The following MAP2K6 variants were observed in gnomAD, a reference collection of about 807,000 sequenced individuals.
MAP2K6 encodes the protein mitogen-activated protein kinase kinase 6.
In MAP2K6, 16 loss-of-function variants were observed where a neutral mutation model predicts 53.7. The observed-to-expected ratio is 0.30, with a 90% confidence interval of 0.20 to 0.45. MAP2K6 has a LOEUF of 0.45. Among genes scored for constraint, MAP2K6 ranks in the 20% least tolerant of loss-of-function variants. MAP2K6 has a pLI of 1.00. For synonymous variants in MAP2K6, 132 were observed against 143.1 expected, an observed-to-expected ratio of 0.92 and a Z score of 0.55; for missense variants, 204 against 411.9, an observed-to-expected ratio of 0.50 and a Z score of 4.37.
intron 11 of MAP2K6, 120 bp from the exon 12 acceptor site, chr17:69,541,556 C>A (rs921995504): frequency 1.9e-5 from 12 of 630,546 alleles, no homozygotes; most frequent in Non-Finnish European, 3.2e-5. Flanking sequence ...TAGGAAAAGC[C>A]CAGCCTAGCT....
At chr17:69,450,042 C>A (rs186547776) in intron 1 of MAP2K6, among the ~76,000 whole-genome samples, 274 of 151,670 alleles carry the variant, frequency 1.8e-3, no homozygotes, top group African/African-American at 6.3e-3. Flanking sequence ...TCAAGTGATT[C>A]TCCTGCATCA....
rs1399170647 is a variant in MAP2K6 at position 69,478,151 on chromosome 17, C to T, written c.17-27629C>T. On this transcript the variant is annotated intron_variant, in intron 1 of 11. Transcript: ENST00000590474. The stretch of plus-strand genomic sequence containing the variant: ...CAGAAGACAGCACAGCTGGGGTAGG[C>T]GCTTGAACGCCAGTTTGAATAGTTT... Among the ~76,000 whole-genome samples the T allele has an allele frequency of 1.3e-5, 2 of 152,268 alleles. 1 individual carries two copies. The highest frequency in any genetic ancestry group is 4.1e-4 in the South Asian group (2 of 4,830).
chr17:69,487,199 G>A (rs912886456), intron 1 of MAP2K6, among the ~76,000 whole-genome samples: 4 of 152,090 alleles, frequency 2.6e-5, no homozygotes, highest in African/African-American at 7.2e-5. Flanking sequence ...ATCCTTACAC[G>A]AGCTAGTGGA....
At chr17:69,496,212 A>G (rs935165939) in intron 1 of MAP2K6, among the ~76,000 whole-genome samples, 1 of 151,370 alleles carries the variant, frequency 6.6e-6, no homozygotes, top group Non-Finnish European at 1.5e-5. Flanking sequence ...ACAGGAACGT[A>G]ATTCTTTGTG....
rs550608688 is a variant in MAP2K6 at position 69,521,188 on chromosome 17, G to A, written c.535+88G>A. The A allele has an allele frequency of 6.0e-5, 70 of 1,167,738 alleles. No individual in the cohort carries two copies. In the African/African-American group the frequency reaches 9.5e-4, roughly 16 times the overall value. 72.3% of individuals were successfully genotyped at this position (1,167,738 alleles called of 1,614,324 possible). On this transcript the variant is annotated intron_variant, in intron 7 of 11. Coordinates refer to ENST00000590474, the MANE Select transcript of MAP2K6 (RefSeq NM_002758.4). ...CCGTCTCTACCCCCAGTCCCCCATG[G>A]GTGGAAGTAGAATTGACTCAGGCAA...
At position 69,507,072 on chromosome 17, in the gene MAP2K6, A is replaced by G. The variant is rs148518163; in HGVS notation, c.83+1226A>G. 3.7e-3 allele frequency among the ~76,000 whole-genome samples: 568 copies of G among 151,684 alleles called. 3 individuals carry two copies. Among genetic ancestry groups the G allele is most frequent in the African/African-American group, 0.013 (544 of 41,306 alleles). ...GTTTCTCAAGAGCTTACAGTCAAAT[A>G]TGTGGCCTACTTTTACTACCTGTAT... On this transcript the variant is annotated intron_variant, in intron 2 of 11. Transcript: ENST00000590474.
At chr17:69,541,470 A>C (rs1911631028) in intron 11 of MAP2K6, among the ~76,000 whole-genome samples, 1 of 152,154 alleles carries the variant, frequency 6.6e-6, no homozygotes, top group Non-Finnish European at 1.5e-5. Flanking sequence ...AGAGATATCA[A>C]GATGGAAAGA....
At chr17:69,519,994 A>G (rs1807960506) in intron 5 of MAP2K6, 1 of 360,924 alleles carries the variant, frequency 2.8e-6, no homozygotes, top group Non-Finnish European at 5.0e-6. Context: ...CTGGGGTTGT[A>G]TTGCTTATGT....
intron 6 of MAP2K6, chr17:69,520,660 C>G (rs11657645): frequency 0.15 from 58,399 of 394,542 alleles, 5,227 homozygotes; most frequent in Middle Eastern, 0.22. Context: ...TATATTCTGA[C>G]ATTAGTTTAT....
rs1392284477 is a variant in MAP2K6, at chr17:69,520,977, C to A, written c.484-72C>A. ...GTAACCTAAAGCCAAGGATAATAAA[C>A]CTTGATATACTTAACATTCAATTTC... On this transcript the variant is annotated intron_variant, in intron 6 of 11. Coordinates refer to ENST00000590474, the MANE Select transcript of MAP2K6 (RefSeq NM_002758.4). 7.2e-6 allele frequency: 9 copies of A among 1,241,978 alleles called. No homozygotes were observed. The South Asian group carries it at 8.0e-5, about 11-fold the overall frequency. 76.9% of individuals were successfully genotyped at this position (1,241,978 alleles called of 1,614,324 possible). A position where few individuals can be genotyped will look rare whatever the true frequency, so the allele number is the denominator to read the frequency against.
At chr17:69,450,973 T>G (rs989778842) in intron 1 of MAP2K6, among the ~76,000 whole-genome samples, 4 of 152,034 alleles carry the variant, frequency 2.6e-5, no homozygotes, top group African/African-American at 9.7e-5. Context: ...TGGAAGAGAT[T>G]TTATGTGAGC....
chr17:69,528,366 T>C (rs560788183), intron 10 of MAP2K6, among the ~76,000 whole-genome samples: 10 of 152,282 alleles, frequency 6.6e-5, no homozygotes, highest in South Asian at 2.1e-4. Flanking sequence ...GGATGCCTCT[T>C]AAAAGATATA....
At chr17:69,462,108 G>C (rs1013750466) in intron 1 of MAP2K6, among the ~76,000 whole-genome samples, 15 of 152,146 alleles carry the variant, frequency 9.9e-5, no homozygotes, top group Admixed American at 1.3e-4. Flanking sequence ...TTCCTTCTCA[G>C]CGCCCCCTGC....
At chr17:69,450,273 A>T (rs978751501) in intron 1 of MAP2K6, among the ~76,000 whole-genome samples, 1 of 152,048 alleles carries the variant, frequency 6.6e-6, no homozygotes, top group African/African-American at 2.4e-5. Context: ...TATTTTAAAG[A>T]TACAGCATTT....
intron 1 of MAP2K6, among the ~76,000 whole-genome samples, chr17:69,415,852 C>A (rs1255861814): frequency 4.6e-5 from 7 of 152,130 alleles, no homozygotes; most frequent in Admixed American, 2.0e-4. Flanking sequence ...GTTGGAAGTT[C>A]ACGTTATGGT....
chr17:69,524,732 G>T (rs1053836990), intron 8 of MAP2K6, among the ~76,000 whole-genome samples, 169 bp from the exon 9 acceptor site: 2 of 152,120 alleles, frequency 1.3e-5, no homozygotes, highest in Non-Finnish European at 2.9e-5. Context: ...CCCCACGGAG[G>T]CATTGATATT....
intron 5 of MAP2K6, 123 bp from the exon 6 acceptor site, chr17:69,520,147 T>TC: frequency 3.3e-6 from 2 of 613,350 alleles, no homozygotes; most frequent in Non-Finnish European, 2.8e-6. Flanking sequence ...ACACTGTATT[T>TC]CCCCCCAAAA....
At chr17:69,511,998 C>T (rs1276412524) in intron 2 of MAP2K6, among the ~76,000 whole-genome samples, 1 of 152,122 alleles carries the variant, frequency 6.6e-6, no homozygotes, top group African/African-American at 2.4e-5. Context: ...ACAAACAAAA[C>T]TCAGGAATAA....
At chr17:69,484,519 G>A (rs560608339) in intron 1 of MAP2K6, among the ~76,000 whole-genome samples, 17 of 152,126 alleles carry the variant, frequency 1.1e-4, no homozygotes, top group African/African-American at 4.1e-4. Flanking sequence ...CAGGTTGGCA[G>A]GTTCAGGAAA....
Sources: allele counts gnomAD v4.1 joint callset (sites outside exome capture counted in the v4.1 genomes callset), GRCh38; gene constraint gnomAD v4.1.1; transcripts MANE v1.5; gene names NCBI Gene and HGNC (gene_info 2026-07-23, HGNC 2026-07-21).